Variants in ANP32A observed in about 807,000 individuals in gnomAD.
ANP32A encodes acidic nuclear phosphoprotein 32 family member A, also known as acidic leucine-rich nuclear phosphoprotein 32 family member A.
Under a neutral mutation model 33.9 loss-of-function variants are expected in ANP32A, and 1 was observed. The observed-to-expected ratio is 0.03, with a 90% CI of 0.01 to 0.14. ANP32A has a LOEUF of 0.14. Among genes scored for constraint, ANP32A ranks in the 10% least tolerant of loss-of-function variants. The pLI, the probability that ANP32A is intolerant of heterozygous loss-of-function variation, is 1.00. For missense variants in ANP32A, 155 were observed against 306.0 expected, an observed-to-expected ratio of 0.51 and a Z score of 3.68; for synonymous variants, 115 against 120.5, an observed-to-expected ratio of 0.95 and a Z score of 0.30.
At chr15:68,806,576 A>C (rs1894227957) in intron 1 of ANP32A, among the ~76,000 whole-genome samples, 1 of 152,238 alleles carries the variant, frequency 6.6e-6, no homozygotes, top group Non-Finnish European at 1.5e-5. Context: ...CTTTTAACCA[A>C]GACACAGAAA....
chr15:68,779,272 C>T lies in ANP32A; in HGVS notation c.*809G>A, dbSNP rs1320354439. On this transcript the variant is annotated 3_prime_UTR_variant, in exon 7 of 7. Transcript: ENST00000465139. ...AGTACATGTGGAAGAATTCTCTCATCATTTTTTGTAAAACAAAGCGTTCTA... is the reference window on the plus strand; with the variant it reads ...AGTACATGTGGAAGAATTCTCTCATTATTTTTTGTAAAACAAAGCGTTCTA... The T allele has an allele frequency of 2.0e-5, 3 of 151,938 alleles. No individual in the cohort carries two copies. The highest frequency in any genetic ancestry group is 7.2e-5 in the African/African-American group (3 of 41,382). 9.4% of individuals were successfully genotyped at this position (151,938 alleles called of 1,614,324 possible). A position where few individuals can be genotyped will look rare whatever the true frequency, so the allele number is the denominator to read the frequency against.
intron 1 of ANP32A, among the ~76,000 whole-genome samples, chr15:68,795,783 C>T (rs967054068): frequency 3.9e-5 from 6 of 152,180 alleles, no homozygotes; most frequent in African/African-American, 1.4e-4. Context: ...TGCTTCCTCC[C>T]CCTTAAACCT....
In ANP32A at chr15:68,793,376, C is replaced by T. The variant is rs1221461952; in HGVS notation, c.55-5457G>A. 2.0e-5 allele frequency among the ~76,000 whole-genome samples: 3 copies of T among 152,106 alleles called. No individual in the cohort carries two copies. In the South Asian group the frequency reaches 6.2e-4, roughly 32 times the overall value. ...CTTGTGCCCAAGACAAGCATAAGCCCCTGAGAGGCAGGTCAGCTGTGCACA... is the reference window on the plus strand; with the variant it reads ...CTTGTGCCCAAGACAAGCATAAGCCTCTGAGAGGCAGGTCAGCTGTGCACA... On this transcript the variant is annotated intron_variant, in intron 1 of 6. Coordinates refer to ENST00000465139, the MANE Select transcript of ANP32A (RefSeq NM_006305.4).
intron 3 of ANP32A, among the ~76,000 whole-genome samples, chr15:68,785,372 C>T (rs1893919019): frequency 6.6e-6 from 1 of 152,130 alleles, no homozygotes; most frequent in South Asian, 2.1e-4. Flanking sequence ...GGTCATACTG[C>T]TTGCAAGTAA....
At chr15:68,804,199 AAAGTC>A (rs1567038184) in intron 1 of ANP32A, among the ~76,000 whole-genome samples, 1 of 152,258 alleles carries the variant, frequency 6.6e-6, no homozygotes, top group Non-Finnish European at 1.5e-5. Context: ...AAGAGAAAGT[AAAGTC>A]AAGTCAAGAG....
intron 1 of ANP32A, among the ~76,000 whole-genome samples, chr15:68,812,082 G>A (rs1172477282): frequency 6.6e-6 from 1 of 151,684 alleles, no homozygotes; most frequent in Non-Finnish European, 1.5e-5. Context: ...TTCTAGCTAT[G>A]GTGTTCTAAC....
At chr15:68,802,141 G>C (rs1436684661) in intron 1 of ANP32A, among the ~76,000 whole-genome samples, 1 of 152,080 alleles carries the variant, frequency 6.6e-6, no homozygotes, top group South Asian at 2.1e-4. Flanking sequence ...GCTGGTTCAA[G>C]GTCACCTCTT....
At chr15:68,798,045 C>G (rs1043611225) in intron 1 of ANP32A, among the ~76,000 whole-genome samples, 1 of 152,210 alleles carries the variant, frequency 6.6e-6, no homozygotes, top group Non-Finnish European at 1.5e-5. Context: ...TTAGAAAAAT[C>G]AACTGTCCCA....
intron 1 of ANP32A, among the ~76,000 whole-genome samples, chr15:68,806,503 G>T (rs1894226377): frequency 6.6e-6 from 1 of 152,160 alleles, no homozygotes; most frequent in South Asian, 2.1e-4. Flanking sequence ...AACCCTGGAG[G>T]GCTCTCCTCT....
Position 68,780,332 on chromosome 15 carries a change from G to A in ANP32A, c.688+78C>T. On this transcript the variant is annotated intron_variant, in intron 6 of 6. Coordinates refer to ENST00000465139, the MANE Select transcript of ANP32A (RefSeq NM_006305.4). The surrounding 1 kb of genome is among the most constrained non-coding windows in gnomAD (Gnocchi z 4.3). ...AGGAGTGTCCTGCCCACTGCCAGGG[G>A]CCTCTGAGTCTAAGCAATCTAAGGC... The A allele has an allele frequency of 1.2e-6, 2 of 1,607,810 alleles. No homozygotes were observed. Among genetic ancestry groups the A allele is most frequent in the Admixed American group, 3.4e-5 (2 of 59,056 alleles).
intron 1 of ANP32A, among the ~76,000 whole-genome samples, chr15:68,801,491 C>G (rs1010202618): frequency 6.6e-6 from 1 of 152,172 alleles, no homozygotes; most frequent in African/African-American, 2.4e-5. Context: ...CGAGTCCCTA[C>G]CAATCCCACC....
At chr15:68,795,920 C>T (rs1894058182) in intron 1 of ANP32A, among the ~76,000 whole-genome samples, 1 of 152,104 alleles carries the variant, frequency 6.6e-6, no homozygotes, top group Admixed American at 6.5e-5. Context: ...GTGTATAGCT[C>T]TTAAAAGTGT....
chr15:68,790,048 G>A (rs1437080255), intron 1 of ANP32A: 1 of 152,410 alleles, frequency 6.6e-6, no homozygotes, highest in Non-Finnish European at 1.5e-5. Flanking sequence ...GCAGATGGAG[G>A]GAGAGTAACT....
chr15:68,811,996 T>C (rs1596075386), intron 1 of ANP32A, among the ~76,000 whole-genome samples: 1 of 151,694 alleles, frequency 6.6e-6, no homozygotes, highest in South Asian at 2.1e-4. Context: ...CCCAAAGTGC[T>C]GGAAGTACAG....
chr15:68,802,672 G>A (rs1157478889), intron 1 of ANP32A, among the ~76,000 whole-genome samples: 2 of 152,146 alleles, frequency 1.3e-5, no homozygotes, highest in Non-Finnish European at 2.9e-5. Flanking sequence ...ATTTATTTGA[G>A]ACGGAATTTT....
chr15:68,818,965 C>T (rs554490493), intron 1 of ANP32A, among the ~76,000 whole-genome samples: 2 of 152,270 alleles, frequency 1.3e-5, no homozygotes, highest in East Asian at 3.9e-4. Context: ...CCTCCTCTCC[C>T]GCGGCCGCCC....
Position 68,780,999 on chromosome 15 carries a change from C to T in ANP32A, c.625-526G>A, listed in dbSNP as rs531585285. Reference sequence around the variant, plus strand: ...TCCCTAGCTTGCAAACTTGGACCACCTGGAAGGGTTGGGGAAGATAAATTC... The same window carrying T: ...TCCCTAGCTTGCAAACTTGGACCACTTGGAAGGGTTGGGGAAGATAAATTC... On this transcript the variant is annotated intron_variant, in intron 5 of 6. Coordinates refer to ENST00000465139, the MANE Select transcript of ANP32A (RefSeq NM_006305.4). This position sits in a 1 kb window ranked among gnomAD's most constrained non-coding sequence, Gnocchi z 4.3. The T allele has an allele frequency of 6.4e-6, 1 of 155,902 alleles. No homozygotes were observed. Among genetic ancestry groups the T allele is most frequent in the Non-Finnish European group, 1.4e-5 (1 of 70,228 alleles). 9.7% of individuals were successfully genotyped at this position (155,902 alleles called of 1,614,324 possible).
intron 3 of ANP32A, 128 bp from the exon 4 acceptor site, chr15:68,784,723 G>C: frequency 1.8e-6 from 2 of 1,119,514 alleles, no homozygotes; most frequent in Non-Finnish European, 2.6e-6. Context: ...TGATAAGGAA[G>C]CTTGGATTTG....
intron 1 of ANP32A, among the ~76,000 whole-genome samples, chr15:68,805,483 G>A (rs1894206053): frequency 6.6e-6 from 1 of 152,252 alleles, no homozygotes; most frequent in South Asian, 2.1e-4. Flanking sequence ...GCTGAGTCTT[G>A]AAGATAATAA....
Sources: gnomAD v4.1 joint callset for allele counts (sites outside exome capture counted in the v4.1 genomes callset) on GRCh38, gnomAD v4.1.1 for gene constraint, Gnocchi (gnomAD v3.1) non-coding constraint, MANE v1.5 for transcripts, NCBI Gene and HGNC (gene_info 2026-07-23, HGNC 2026-07-21) for gene names.